The following CDH13 variants were observed in gnomAD, a reference collection of about 807,000 sequenced individuals.
The protein encoded by CDH13 is cadherin 13, also known as cadherin-13.
CDH13 carries 24 observed loss-of-function variants against 63.8 expected under a neutral mutation model. The observed-to-expected ratio is 0.38, with a 90% confidence interval of 0.27 to 0.53. CDH13 has a LOEUF of 0.53. CDH13 is among the 20% of genes least tolerant of loss of function. The pLI, the probability that CDH13 is intolerant of heterozygous loss-of-function variation, is 0.85. For synonymous variants in CDH13, 503 were observed against 355.3 expected (o/e 1.42, Z -4.67); for missense variants, 1,049 against 903.1 (o/e 1.16, Z -2.07).
At chr16:83,310,423 A>T (rs915289373) in intron 5 of CDH13, among the ~76,000 whole-genome samples, 2 of 152,236 alleles carry the variant, frequency 1.3e-5, no homozygotes, top group Admixed American at 1.3e-4. Flanking sequence ...CATACATACA[A>T]ATATATGTAA....
intron 1 of CDH13, among the ~76,000 whole-genome samples, chr16:82,666,451 G>A (rs1206094642): frequency 6.6e-6 from 1 of 152,160 alleles, no homozygotes; most frequent in African/African-American, 2.4e-5. Context: ...CCTTCCACAT[G>A]GAGACCCATA....
intron 1 of CDH13, among the ~76,000 whole-genome samples, chr16:82,651,546 T>C (rs1910720885): frequency 6.6e-6 from 1 of 152,240 alleles, no homozygotes; most frequent in Admixed American, 6.5e-5. Flanking sequence ...CTTAAATTCC[T>C]CTGGCCAGGT....
Position 83,344,986 on chromosome 16 carries a change from T to C in CDH13, c.761T>C (p.Val254Ala). The change falls in exon 6 of 14, where the codon GTC becomes GCC. Residue 254 changes from valine to alanine, a missense_variant. Coordinates refer to ENST00000567109, the MANE Select transcript of CDH13 (RefSeq NM_001257.5). ...CGGGAAGGCCCCTACATCGGCCACG[T>C]CATGGAAGGGTCACCCACAGGTATG... ...IFREGPYIGHVMEGSPTGTTV... is the reference protein window; with the variant it reads ...IFREGPYIGHAMEGSPTGTTV... The C allele has an allele frequency of 1.9e-6, 3 of 1,613,956 alleles. No individual in the cohort carries two copies. Among genetic ancestry groups the C allele is most frequent in the Non-Finnish European group, 2.5e-6 (3 of 1,179,820 alleles).
At chr16:82,849,227 A>G (rs12596919) in intron 1 of CDH13, among the ~76,000 whole-genome samples, 97,015 of 151,694 alleles carry the variant, frequency 0.64, 31,572 homozygotes, top group East Asian at 0.87. Flanking sequence ...GTGAAAGCCA[A>G]GCACAGTGGC....
At chr16:83,380,194 GC>G (rs543336919) in intron 6 of CDH13, among the ~76,000 whole-genome samples, 90 of 151,796 alleles carry the variant, frequency 5.9e-4, no homozygotes, top group African/African-American at 2.1e-3. Flanking sequence ...AAGATCTTAA[GC>G]TTTATCTGTA....
chr16:83,074,370 A>G (rs1480446954), intron 3 of CDH13, among the ~76,000 whole-genome samples: 2 of 152,116 alleles, frequency 1.3e-5, no homozygotes, highest in African/African-American at 4.8e-5. Flanking sequence ...ATATACCACA[A>G]TTTTTTAATC....
At chr16:83,373,641 G>T (rs1343193152) in intron 6 of CDH13, among the ~76,000 whole-genome samples, 1 of 151,970 alleles carries the variant, frequency 6.6e-6, no homozygotes, top group Non-Finnish European at 1.5e-5. Context: ...AAGACTATTA[G>T]GAACAAAATA....
chr16:83,051,561 C>G (rs898086534), intron 3 of CDH13, among the ~76,000 whole-genome samples: 1 of 152,190 alleles, frequency 6.6e-6, no homozygotes, highest in Non-Finnish European at 1.5e-5. Context: ...CATATACTTA[C>G]AAGATTTGCA....
chr16:82,636,852 C>A (rs759842736), intron 1 of CDH13, among the ~76,000 whole-genome samples: 1 of 152,172 alleles, frequency 6.6e-6, no homozygotes, highest in Non-Finnish European at 1.5e-5. Context: ...AATCTGCCAA[C>A]CTGAGAGTTT....
At chr16:82,990,976 A>C (rs1911586342) in intron 2 of CDH13, among the ~76,000 whole-genome samples, 1 of 152,184 alleles carries the variant, frequency 6.6e-6, no homozygotes, top group Admixed American at 6.5e-5. Context: ...AACAATTTTG[A>C]AACCATACTC....
chr16:83,549,317 G>C (rs7186258), intron 7 of CDH13, among the ~76,000 whole-genome samples: 45,921 of 152,030 alleles, frequency 0.3, 7,026 homozygotes, highest in Middle Eastern at 0.36. Flanking sequence ...CTTCTTTTGT[G>C]CAAAGCACCT....
At chr16:83,117,706 TTC>T (rs1182566873) in intron 3 of CDH13, among the ~76,000 whole-genome samples, 3 of 152,162 alleles carry the variant, frequency 2.0e-5, no homozygotes, top group African/African-American at 7.2e-5. Context: ...TATGAATCTA[TTC>T]TCTCGCTCCT....
intron 6 of CDH13, among the ~76,000 whole-genome samples, chr16:83,363,339 A>T (rs1862827): frequency 0.4 from 60,432 of 152,028 alleles, 12,750 homozygotes; most frequent in East Asian, 0.78. Context: ...GCAGTATTTA[A>T]ATATGTGTAA....
chr16:83,095,613 C>T (rs1172578171), intron 3 of CDH13, among the ~76,000 whole-genome samples: 1 of 152,172 alleles, frequency 6.6e-6, no homozygotes, highest in Non-Finnish European at 1.5e-5. Flanking sequence ...CAGAACACCT[C>T]GCCAAAATCC....
chr16:83,788,096 C>G (rs758206891), intron 13 of CDH13, among the ~76,000 whole-genome samples: 3 of 152,206 alleles, frequency 2.0e-5, no homozygotes, highest in Non-Finnish European at 4.4e-5. Context: ...TGTGCACGCA[C>G]GTGTGTGTAC....
intron 4 of CDH13, among the ~76,000 whole-genome samples, chr16:83,211,762 C>T (rs547690045): frequency 1.0e-3 from 158 of 152,212 alleles, no homozygotes; most frequent in Non-Finnish European, 1.8e-3. Flanking sequence ...CCACCTCCCC[C>T]CCCCAAACAG....
At chr16:83,008,252 C>T (rs1416266245) in intron 2 of CDH13, among the ~76,000 whole-genome samples, 1 of 152,048 alleles carries the variant, frequency 6.6e-6, no homozygotes, top group African/African-American at 2.4e-5. Context: ...AGAGAAATGT[C>T]AGGGTAAACA....
chr16:82,738,088 A>G (rs1299511671), intron 1 of CDH13, among the ~76,000 whole-genome samples: 2 of 152,222 alleles, frequency 1.3e-5, no homozygotes, highest in Non-Finnish European at 2.9e-5. Flanking sequence ...TGATCTTGCT[A>G]AACTAGCCAC....
chr16:82,760,412 C>G (rs1392200622), intron 1 of CDH13, among the ~76,000 whole-genome samples: 1 of 152,016 alleles, frequency 6.6e-6, no homozygotes, highest in Non-Finnish European at 1.5e-5. Context: ...TAAAATTCAC[C>G]ATTGTTTATC....
Sources: gnomAD v4.1 joint callset for allele counts (sites outside exome capture counted in the v4.1 genomes callset) on GRCh38, gnomAD v4.1.1 for gene constraint, MANE v1.5 for transcripts, NCBI Gene and HGNC (gene_info 2026-07-23, HGNC 2026-07-21) for gene names.